Variants in USP8 observed in about 807,000 individuals in gnomAD.
USP8 encodes the protein ubiquitin specific peptidase 8, also known as ubiquitin carboxyl-terminal hydrolase 8.
USP8 carries 27 observed loss-of-function variants against 130.0 expected under a neutral mutation model. The ratio of observed to expected loss-of-function variants is 0.21; its 90% CI spans 0.15 to 0.29. The LOEUF is 0.29. USP8 is among the 10% of genes least tolerant of loss of function. The probability of loss-of-function intolerance (pLI) is 1.00; values close to 1 mark genes in which losing one functional copy is unlikely to be tolerated. For missense variants in USP8, 1,029 were observed against 1,312.2 expected (o/e 0.78, Z 3.33); for synonymous variants, 392 against 444.1 (o/e 0.88, Z 1.48).
chr15:50,498,482 T>A, intron 18 of USP8, 114 bp from the exon 19 acceptor site: 1 of 1,360,032 alleles, frequency 7.4e-7, no homozygotes. Flanking sequence ...AAATTCCAAG[T>A]CTTTGTATTT....
chr15:50,464,403 A>AT (rs1320415399), intron 6 of USP8, among the ~76,000 whole-genome samples: 7 of 152,220 alleles, frequency 4.6e-5, no homozygotes, highest in African/African-American at 1.7e-4. Flanking sequence ...TAATGTCTTA[A>AT]TTTTTGAAAA....
intron 4 of USP8, among the ~76,000 whole-genome samples, chr15:50,450,164 A>C (rs1487379979): frequency 6.6e-6 from 1 of 151,700 alleles, no homozygotes; most frequent in Non-Finnish European, 1.5e-5. Flanking sequence ...CAAAGTGCTG[A>C]GATTACAGGC....
chr15:50,462,378 C>A, intron 6 of USP8, 56 bp downstream of exon 6: 1 of 1,457,270 alleles, frequency 6.9e-7, no homozygotes, highest in South Asian at 1.3e-5. Flanking sequence ...ATCTTTTAAT[C>A]AGAATAAGCA....
chr15:50,428,851 C>G (rs533437193), intron 1 of USP8, among the ~76,000 whole-genome samples: 2 of 152,098 alleles, frequency 1.3e-5, no homozygotes, highest in Non-Finnish European at 2.9e-5. Context: ...TTCTTTTTGA[C>G]ATACGTGAAT....
chr15:50,449,298 A>G (rs971147177), intron 3 of USP8, 102 bp from the exon 4 acceptor site: 9 of 623,232 alleles, frequency 1.4e-5, no homozygotes, highest in Non-Finnish European at 2.3e-5. Flanking sequence ...TAATAAAACA[A>G]ACTTCCCTTT....
intron 1 of USP8, among the ~76,000 whole-genome samples, chr15:50,438,318 T>C (rs1352989841): frequency 6.6e-6 from 1 of 152,246 alleles, no homozygotes; most frequent in Non-Finnish European, 1.5e-5. Context: ...ACGTGGTGGC[T>C]TACGCCTGTA....
chr15:50,452,395 A>G (rs1389109656), intron 4 of USP8, among the ~76,000 whole-genome samples: 1 of 152,226 alleles, frequency 6.6e-6, no homozygotes, highest in Non-Finnish European at 1.5e-5. Flanking sequence ...CTGAAATTGG[A>G]AAGTAGGAGA....
At chr15:50,458,475 C>A (rs151001085) in intron 4 of USP8, 1 of 156,798 alleles carries the variant, frequency 6.4e-6, no homozygotes, top group Non-Finnish European at 1.4e-5. Context: ...GGGAATAGTT[C>A]TAAATTCCTC....
chr15:50,496,991 A>G, intron 17 of USP8, 98 bp from the exon 18 acceptor site: 1 of 1,440,452 alleles, frequency 6.9e-7, no homozygotes, highest in South Asian at 1.4e-5. Flanking sequence ...TTGCTGTTGA[A>G]TCACTGGTGC....
At chr15:50,429,204 G>T (rs1192014466) in intron 1 of USP8, among the ~76,000 whole-genome samples, 1 of 151,904 alleles carries the variant, frequency 6.6e-6, no homozygotes, top group African/African-American at 2.4e-5. Flanking sequence ...ACCAATAATG[G>T]TGTAAACCCA....
chr15:50,491,560 C>CACCTGAGTACAGGT (rs2052168960), intron 14 of USP8, among the ~76,000 whole-genome samples: 1 of 152,064 alleles, frequency 6.6e-6, no homozygotes, highest in Admixed American at 6.5e-5. Flanking sequence ...CGAGTACATG[C>CACCTGAGTACAGGT]ACCTGAGTAC....
rs71424071 is a variant in USP8 at position 50,485,550 on chromosome 15, A to ATTTTTTTTTT, written c.1890+1213_1890+1222dup. On this transcript the variant is annotated intron_variant, in intron 12 of 19. Transcript: ENST00000307179. ...CCCATTTTTAGCATGCAGTTTAGTG[A>ATTTTTTTTTT]TTTTTTTTTTTTTTTTTTTTTTTTT... is the stretch of plus-strand genomic sequence containing the variant. Among the ~76,000 whole-genome samples, 153 of 27,944 alleles carry ATTTTTTTTTT rather than the reference A, an allele frequency of 5.5e-3. 23 individuals are homozygous for ATTTTTTTTTT. The highest frequency in any genetic ancestry group is 7.9e-3 in the Non-Finnish European group (121 of 15,222). The allele number at this position is 27,944 out of a possible 152,430, so 18.3% of individuals were successfully genotyped here.
chr15:50,476,881 T>G lies in USP8; in HGVS notation c.882T>G (p.Pro294=), dbSNP rs781383801. 1.9e-6 allele frequency: 3 copies of G among 1,596,510 alleles called. No individual in the cohort carries two copies. Among genetic ancestry groups the G allele is most frequent in the East Asian group, 2.3e-5 (1 of 44,404 alleles). ...WESKTVLRNE[P]LVLEGGYENW... is the part of the protein sequence containing the mutation. ...GTAAAACTGTCCTGCGCAATGAGCC[T>G]TTGGTTTTAGAGGGAGGCTATGAAA... The change falls in exon 9 of 20, where the codon CCT becomes CCG. Residue 294 remains proline (P), a synonymous_variant. Transcript: ENST00000307179.
chr15:50,481,590 A>G lies in USP8; in HGVS notation c.1328A>G (p.Asp443Gly), dbSNP rs3743044. 0.032 allele frequency: 52,432 copies of G among 1,614,032 alleles called. 1,316 individuals carry two copies. Among genetic ancestry groups the G allele is most frequent in the East Asian group, 0.13 (5,714 of 44,862 alleles). Reference sequence around the variant, plus strand: ...CCTCAGAGTGGAAAAGTTATTCCTGATCGTTCCACCAAGCCAGTAGTTTTT... The same window carrying G: ...CCTCAGAGTGGAAAAGTTATTCCTGGTCGTTCCACCAAGCCAGTAGTTTTT... Reference protein sequence around the residue: ...QSPQSGKVIPDRSTKPVVFSP... With the variant: ...QSPQSGKVIPGRSTKPVVFSP... The change falls in exon 11 of 20, where the codon GAT (aspartate) becomes GGT (glycine). Residue 443 changes from aspartate (D) to glycine (G), a missense_variant. Physicochemically the swap from Asp to Gly is moderately conservative, Grantham distance 94. Transcript: ENST00000307179.
intron 15 of USP8, 29 bp downstream of exon 15, chr15:50,492,942 T>G: frequency 6.3e-7 from 1 of 1,590,382 alleles, no homozygotes; most frequent in East Asian, 2.2e-5. Flanking sequence ...TTTTGCATTA[T>G]AATGCTAAAA....
intron 4 of USP8, among the ~76,000 whole-genome samples, chr15:50,452,776 T>G (rs2050666292): frequency 6.6e-6 from 1 of 152,312 alleles, no homozygotes; most frequent in South Asian, 2.1e-4. Flanking sequence ...CATAGTGCAT[T>G]AAGAAAATTA....
chr15:50,451,395 A>G (rs575300025), intron 4 of USP8, among the ~76,000 whole-genome samples: 133 of 152,304 alleles, frequency 8.7e-4, no homozygotes, highest in African/African-American at 2.8e-3. Flanking sequence ...TGGGCGACAG[A>G]GTGAGACTCT....
Position 50,441,363 on chromosome 15 carries a change from C to T in USP8, c.119C>T (p.Ala40Val), listed in dbSNP as rs758955965. 6.3e-7 allele frequency: 1 copy of T among 1,596,456 alleles called. No homozygotes were observed. Among genetic ancestry groups the T allele is most frequent in the South Asian group, 1.1e-5 (1 of 87,748 alleles). ...KISTKSYVHS[A>V]LKIFKTAEEC... The stretch of plus-strand genomic sequence containing the variant: ...CTAATTTTAAGTTATGTGCACAGTG[C>T]CCTGAAGATCTTTAAGACAGCAGAA... Residue 40 changes from alanine to valine, a missense_variant, in exon 3 of 20, where the codon GCC (alanine) becomes GTC (valine). Physicochemically the swap from Ala to Val is moderately conservative, Grantham distance 64 (BLOSUM62 0). Around this residue, in one of 4 missense-constraint regions of USP8, gnomAD observed 281 missense variants for 336.7 expected, o/e 0.83. Coordinates refer to ENST00000307179, the MANE Select transcript of USP8 (RefSeq NM_005154.5).
intron 3 of USP8, among the ~76,000 whole-genome samples, chr15:50,447,565 CTTTTTTT>C (rs2050483234): frequency 2.0e-5 from 3 of 149,110 alleles, no homozygotes; most frequent in Admixed American, 2.0e-4. Context: ...TTTTTCTTTT[CTTTTTTT>C]CCCCTCCGAG....
Sources: gnomAD v4.1 joint callset for allele counts (sites outside exome capture counted in the v4.1 genomes callset) on GRCh38, gnomAD v4.1.1 for gene constraint, gnomAD v4.1.1 regional missense constraint, MANE v1.5 for transcripts, NCBI Gene and HGNC (gene_info 2026-07-23, HGNC 2026-07-21) for gene names.